Variants in C15orf40 observed in about 807,000 individuals in gnomAD.
C15orf40 encodes the protein chromosome 15 open reading frame 40, also known as UPF0235 protein C15orf40.
Under a neutral mutation model 13.9 loss-of-function variants are expected in C15orf40, and 9 were observed. That is an observed-to-expected ratio of 0.65 (90% CI 0.39 to 1.13). The LOEUF is 1.13. Ranked by LOEUF, C15orf40 falls within the 50% of genes most tolerant of loss-of-function variation. C15orf40 has a pLI of 0.01. For missense variants in C15orf40, 225 were observed against 188.5 expected, an observed-to-expected ratio of 1.19 and a Z score of -1.13; for synonymous variants, 95 against 69.2, an observed-to-expected ratio of 1.37 and a Z score of -1.85.
rs1191250927 is a variant in C15orf40 at position 83,008,613 on chromosome 15, C to T, written c.301G>A (p.Ala101Thr). The T allele has an allele frequency of 5.0e-6, 8 of 1,613,926 alleles. No individual in the cohort carries two copies. Among genetic ancestry groups the T allele is most frequent in the Non-Finnish European group, 6.8e-6 (8 of 1,179,996 alleles). The change falls in exon 3 of 4, where the codon GCT (alanine) becomes ACT (threonine). Residue 101 changes from alanine to threonine, a missense_variant. Transcript: ENST00000304177. ...TTGGAAAGATACCGACAGAGCTCAG[C>T]ATTAGCCTCTCCCTCTGATGGAGGT... is the stretch of plus-strand genomic sequence containing the variant. ...AAPPSEGEAN[A>T]ELCRYLSKVL...
intron 3 of C15orf40, chr15:83,006,271 G>T: frequency 3.2e-6 from 2 of 622,704 alleles, no homozygotes; most frequent in Non-Finnish European, 4.0e-6. Context: ...CTAGTCTCAA[G>T]CAATTAAGTT....
intron 2 of C15orf40, among the ~76,000 whole-genome samples, chr15:83,008,885 G>A (rs1199320265): frequency 6.6e-6 from 1 of 152,174 alleles, no homozygotes; most frequent in East Asian, 1.9e-4. Context: ...TAAATCCAGA[G>A]AAGAAAAGTT....
In C15orf40 at chr15:83,011,598, G is replaced by A. The variant is rs776390390; in HGVS notation, c.10C>T (p.Leu4Phe). The A allele has an allele frequency of 3.2e-6, 5 of 1,585,902 alleles. No individual in the cohort carries two copies. Among genetic ancestry groups the A allele is most frequent in the Non-Finnish European group, 4.3e-6 (5 of 1,170,120 alleles). MLR[L>F]RSGLRHLRAT... ...CGAAGGTGCCTCAGCCCGCTGCGGA[G>A]CCGCAGCATCCCCGCCTGGGAAGGC... The change falls in exon 1 of 4, where the codon CTC becomes TTC. Residue 4 changes from leucine to phenylalanine, a missense_variant. Leu to Phe is a conservative substitution (Grantham distance 22). Transcript: ENST00000304177.
In C15orf40 at chr15:82,995,193, T is replaced by C. The variant is rs2031004532; in HGVS notation, c.*10404A>G. 6.6e-6 allele frequency: 1 copy of C among 152,264 alleles called. No homozygotes were observed. Among genetic ancestry groups the C allele is most frequent in the Non-Finnish European group, 1.5e-5 (1 of 68,096 alleles). The allele number at this position is 152,264 out of a possible 1,614,324, so 9.4% of individuals were successfully genotyped here. A position where few individuals can be genotyped will look rare whatever the true frequency, so the allele number is the denominator to read the frequency against. On this transcript the variant is annotated 3_prime_UTR_variant, in exon 4 of 4. Coordinates refer to ENST00000304177, the MANE Select transcript of C15orf40 (RefSeq NM_144597.3). Reference sequence around the variant, plus strand: ...AAATAAGGATGGAAGTAGAGATCCCTTGACTTGTGCACATTCTGGGAGAGA... The same window carrying C: ...AAATAAGGATGGAAGTAGAGATCCCCTGACTTGTGCACATTCTGGGAGAGA...
chr15:83,008,414 G>A (rs1228553245), intron 3 of C15orf40, 134 bp downstream of exon 3: 2 of 866,000 alleles, frequency 2.3e-6, no homozygotes, highest in Non-Finnish European at 3.6e-6. Context: ...AGCTACTCAG[G>A]AAGCTGAGGC....
At chr15:83,007,507 G>A (rs2151289380) in intron 3 of C15orf40, among the ~76,000 whole-genome samples, 1 of 152,310 alleles carries the variant, frequency 6.6e-6, no homozygotes, top group African/African-American at 2.4e-5. Flanking sequence ...ATGCAATTAA[G>A]TAAATATAAA....
chr15:83,004,502 T>C lies in C15orf40; in HGVS notation c.*1095A>G. The C allele has an allele frequency of 1.3e-6, 1 of 794,264 alleles. No individual in the cohort carries two copies. The highest frequency in any genetic ancestry group is 1.5e-6 in the Non-Finnish European group (1 of 655,646). The allele number at this position is 794,264 out of a possible 1,614,324, so 49.2% of individuals were successfully genotyped here. A position where few individuals can be genotyped will look rare whatever the true frequency, so the allele number is the denominator to read the frequency against. On this transcript the variant is annotated 3_prime_UTR_variant, in exon 4 of 4. Transcript: ENST00000304177. ...TTTTGAAACTTTAATATAGATGTAA[T>C]TTCTGACAAGCTTTTACAAATACTG...
Position 82,999,086 on chromosome 15 carries a change from T to G in C15orf40, c.*6511A>C. ...GAGGCAGGAGAATCAGGCAGGGAGG[T>G]TGCAGTGAGCCGAGATGGCAGCAGT... On this transcript the variant is annotated 3_prime_UTR_variant, in exon 4 of 4. Coordinates refer to ENST00000304177, the MANE Select transcript of C15orf40 (RefSeq NM_144597.3). 3 of 108,794 alleles carry G rather than the reference T, an allele frequency of 2.8e-5. No individual in the cohort carries two copies. Among genetic ancestry groups the G allele is most frequent in the Admixed American group, 1.1e-4 (1 of 9,476 alleles). 6.7% of individuals were successfully genotyped at this position (108,794 alleles called of 1,614,324 possible).
downstream of C15orf40, among the ~76,000 whole-genome samples, chr15:82,993,457 T>C (rs2030938326): frequency 1.3e-5 from 2 of 152,190 alleles, no homozygotes; most frequent in Admixed American, 6.6e-5. Flanking sequence ...AAGCAAGTTA[T>C]CTCATTCAGA....
rs1359719169 is a variant in C15orf40, at chr15:82,998,272, C to CT, written c.*7324_*7325insA. On this transcript the variant is annotated 3_prime_UTR_variant, in exon 4 of 4. Transcript: ENST00000304177. ...GTGGCTGGCCGGGCGGGGGACTGAC[C>CT]CCCCCCCACCTCCCTCCCGGACGGG... 1.5e-5 allele frequency: 2 copies of CT among 134,456 alleles called. No homozygotes were observed. Among genetic ancestry groups the CT allele is most frequent in the Non-Finnish European group, 2.9e-5 (2 of 69,252 alleles). 8.3% of individuals were successfully genotyped at this position (134,456 alleles called of 1,614,324 possible). A position where few individuals can be genotyped will look rare whatever the true frequency, so the allele number is the denominator to read the frequency against.
At position 83,005,499 on chromosome 15, in the gene C15orf40, G is replaced by C; in HGVS notation, c.*98C>G. 9.2e-7 allele frequency: 1 copy of C among 1,088,256 alleles called. No individual in the cohort carries two copies. The highest frequency in any genetic ancestry group is 1.3e-6 in the Non-Finnish European group (1 of 791,518). The allele number at this position is 1,088,256 out of a possible 1,614,324, so 67.4% of individuals were successfully genotyped here. ...GGGTTTCACCATGTTGGTCAGGCTG[G>C]TCTCGAACTCCTGACCTCAGGTGAT... On this transcript the variant is annotated 3_prime_UTR_variant, in exon 4 of 4. Transcript: ENST00000304177.
rs1464092032 is a variant in C15orf40 at position 82,995,397 on chromosome 15, AAAAGTGGAGATGAGCTGTGGATAAT to A, written c.*10175_*10199del. On this transcript the variant is annotated 3_prime_UTR_variant, in exon 4 of 4. Coordinates refer to ENST00000304177, the MANE Select transcript of C15orf40 (RefSeq NM_144597.3). The stretch of plus-strand genomic sequence containing the variant: ...TCAATTATCAGTGCTGTCAGATTAG[AAAAGTGGAGATGAGCTGTGGATAAT>A]ACCCCTCAGATTTAAACATTTGCAG... The A allele has an allele frequency of 6.6e-6, 1 of 152,258 alleles. No individual in the cohort carries two copies. The highest frequency in any genetic ancestry group is 1.5e-5 in the Non-Finnish European group (1 of 68,062). The allele number at this position is 152,258 out of a possible 1,614,324, so 9.4% of individuals were successfully genotyped here. A position where few individuals can be genotyped will look rare whatever the true frequency, so the allele number is the denominator to read the frequency against.
chr15:83,003,133 T>G lies in C15orf40; in HGVS notation c.*2464A>C, dbSNP rs1177013279. 6.6e-6 allele frequency: 1 copy of G among 151,754 alleles called. No homozygotes were observed. The highest frequency in any genetic ancestry group is 1.5e-5 in the Non-Finnish European group (1 of 68,724). The allele number at this position is 151,754 out of a possible 1,614,324, so 9.4% of individuals were successfully genotyped here. On this transcript the variant is annotated 3_prime_UTR_variant, in exon 4 of 4. Transcript: ENST00000304177. ...CCAAAAGTTGATCCTTTTTTTTTTT[T>G]TTTTTTTTTGAGATGGAGTTTCGCT... is the stretch of plus-strand genomic sequence containing the variant.
At position 83,004,203 on chromosome 15, in the gene C15orf40, T is replaced by A. The variant is rs2031554164; in HGVS notation, c.*1394A>T. ...GTTGCCCAGGCTGGTCTCAAACTCC[T>A]GGGCTCAAGTGTTCCTCCTGCCTCA... is the stretch of plus-strand genomic sequence containing the variant. On this transcript the variant is annotated 3_prime_UTR_variant, in exon 4 of 4. Transcript: ENST00000304177. 1 of 461,530 alleles carries A rather than the reference T, an allele frequency of 2.2e-6. No individual in the cohort carries two copies. Among genetic ancestry groups the A allele is most frequent in the Non-Finnish European group, 2.8e-6 (1 of 351,314 alleles). 28.6% of individuals were successfully genotyped at this position (461,530 alleles called of 1,614,324 possible). A position where few individuals can be genotyped will look rare whatever the true frequency, so the allele number is the denominator to read the frequency against.
At chr15:83,008,771 C>A in intron 2 of C15orf40, 96 bp from the exon 3 acceptor site, 1 of 1,332,202 alleles carries the variant, frequency 7.5e-7, no homozygotes, top group Non-Finnish European at 1.0e-6. Flanking sequence ...TTGCCTGGCA[C>A]ACAGATTTTC....
At chr15:83,005,715 T>C (rs755208210) in intron 3 of C15orf40, 23 bp from the exon 4 acceptor site, 16 of 1,607,408 alleles carry the variant, frequency 1.0e-5, no homozygotes, top group Non-Finnish European at 1.4e-5. Flanking sequence ...AGAAAAAGCA[T>C]ACTTTACTGT....
chr15:83,011,279 C>A (rs936468237), intron 1 of C15orf40: 5 of 490,724 alleles, frequency 1.0e-5, no homozygotes, highest in Non-Finnish European at 1.4e-5. Context: ...GCCCAGCGCT[C>A]AGAAATCACC....
chr15:82,997,838 C>G lies in C15orf40; in HGVS notation c.*7759G>C. 1 of 118,738 alleles carries G rather than the reference C, an allele frequency of 8.4e-6. No homozygotes were observed. Among genetic ancestry groups the G allele is most frequent in the Non-Finnish European group, 1.7e-5 (1 of 58,344 alleles). The allele number at this position is 118,738 out of a possible 1,614,324, so 7.4% of individuals were successfully genotyped here. ...CGGCTGGCAGGGCAGGGGGGCTGACCCCCCCCCACCTCCCTCCCGGACGGG... is the reference window on the plus strand; with the variant it reads ...CGGCTGGCAGGGCAGGGGGGCTGACGCCCCCCCACCTCCCTCCCGGACGGG... On this transcript the variant is annotated 3_prime_UTR_variant, in exon 4 of 4. Transcript: ENST00000304177.
intron 1 of C15orf40, 88 bp downstream of exon 1, chr15:83,011,409 C>G: frequency 7.2e-7 from 1 of 1,390,626 alleles, no homozygotes; most frequent in Non-Finnish European, 9.6e-7. Context: ...GCAGTGCCTC[C>G]ACTCACTCCC....
Sources: allele counts gnomAD v4.1 joint callset (sites outside exome capture counted in the v4.1 genomes callset), GRCh38; gene constraint gnomAD v4.1.1; transcripts MANE v1.5; gene names NCBI Gene and HGNC (gene_info 2026-07-23, HGNC 2026-07-21).